Variants in CHAF1A observed in about 807,000 individuals in gnomAD.
CHAF1A encodes the protein chromatin assembly factor 1 subunit A.
In CHAF1A, 5 loss-of-function variants were observed where a neutral mutation model predicts 93.2. That is an observed-to-expected ratio of 0.05 (90% CI 0.03 to 0.11). CHAF1A has a LOEUF of 0.11. Ranked by LOEUF, CHAF1A falls within the 10% of genes least tolerant of loss-of-function variation. CHAF1A has a pLI of 1.00. For synonymous variants in CHAF1A, 504 were observed against 510.3 expected, an observed-to-expected ratio of 0.99 and a Z score of 0.17; for missense variants, 1,102 against 1,259.9, an observed-to-expected ratio of 0.87 and a Z score of 1.90.
chr19:4,410,182 G>T (rs1973767677), intron 3 of CHAF1A, among the ~76,000 whole-genome samples: 1 of 152,056 alleles, frequency 6.6e-6, no homozygotes, highest in African/African-American at 2.4e-5. Context: ...GCACTGAAGT[G>T]GCAGTGAGAC....
intron 13 of CHAF1A, among the ~76,000 whole-genome samples, chr19:4,440,713 C>T (rs1004111654): frequency 2.0e-5 from 3 of 151,666 alleles, no homozygotes; most frequent in South Asian, 4.2e-4. Context: ...ACGCCTGGGC[C>T]GTGTGGTACA....
chr19:4,431,816 C>G, intron 11 of CHAF1A, 136 bp from the exon 12 acceptor site: 1 of 1,080,522 alleles, frequency 9.3e-7, no homozygotes, highest in Non-Finnish European at 1.3e-6. Flanking sequence ...CTGCCCTGGC[C>G]CTGACACTGT....
rs768089075 is a variant in CHAF1A, at chr19:4,409,351, G to A, written c.552G>A (p.Glu184=). 1 of 1,614,126 alleles carries A rather than the reference G, an allele frequency of 6.2e-7. No individual in the cohort carries two copies. Among genetic ancestry groups the A allele is most frequent in the South Asian group, 1.1e-5 (1 of 91,078 alleles). Residue 184 remains glutamate (E), a synonymous_variant, in exon 3 of 15, where the codon GAG becomes GAA. Coordinates refer to ENST00000301280, the MANE Select transcript of CHAF1A (RefSeq NM_005483.3). The part of the protein sequence containing the change: ...ETLSDIPCKT[E]EEGVGCGGAG... ...TTTCAGACATTCCTTGCAAAACAGA[G>A]GAGGAGGGTGTTGGCTGTGGAGGTG...
At chr19:4,406,728 C>T (rs1406678926) in intron 2 of CHAF1A, among the ~76,000 whole-genome samples, 1 of 152,124 alleles carries the variant, frequency 6.6e-6, no homozygotes, top group Non-Finnish European at 1.5e-5. Flanking sequence ...CCACCGCACC[C>T]GGCCCAGATT....
chr19:4,407,277 T>TA (rs1487758041), intron 2 of CHAF1A, among the ~76,000 whole-genome samples: 6 of 148,766 alleles, frequency 4.0e-5, no homozygotes, highest in African/African-American at 1.5e-4. Context: ...TTTGGTCTAT[T>TA]ACATGATGAA....
chr19:4,409,782 C>G, intron 3 of CHAF1A, 23 bp downstream of exon 3: 3 of 1,582,868 alleles, frequency 1.9e-6, no homozygotes, highest in Non-Finnish European at 2.6e-6. Flanking sequence ...CATGGAGTCC[C>G]TGCACATCAG....
intron 3 of CHAF1A, among the ~76,000 whole-genome samples, chr19:4,410,667 C>G (rs1973779334): frequency 6.6e-6 from 1 of 152,152 alleles, no homozygotes; most frequent in African/African-American, 2.4e-5. Context: ...AGGCATGAGC[C>G]ACTGCACCCA....
At position 4,442,172 on chromosome 19, in the gene CHAF1A, C is replaced by G. The variant is rs989380702; in HGVS notation, c.2674-73C>G. On this transcript the variant is annotated intron_variant, in intron 13 of 14. Transcript: ENST00000301280. ...AGGAAGGTGTCACACCTGTGGAGTT[C>G]CCCCCGCTACCGCACTGGCACCAGG... 7.3e-6 allele frequency: 9 copies of G among 1,241,178 alleles called. No individual in the cohort carries two copies. In the Admixed American group the frequency reaches 1.5e-4, roughly 21 times the overall value. The allele number at this position is 1,241,178 out of a possible 1,614,324, so 76.9% of individuals were successfully genotyped here. A position where few individuals can be genotyped will look rare whatever the true frequency, so the allele number is the denominator to read the frequency against.
chr19:4,404,997 C>T (rs951201532), intron 1 of CHAF1A, among the ~76,000 whole-genome samples: 42 of 152,068 alleles, frequency 2.8e-4, no homozygotes, highest in Non-Finnish European at 7.4e-5. Context: ...TCTGATTTTA[C>T]AGATTTGGTG....
At chr19:4,440,576 A>T (rs1974367863) in intron 13 of CHAF1A, among the ~76,000 whole-genome samples, 1 of 151,916 alleles carries the variant, frequency 6.6e-6, no homozygotes, top group South Asian at 2.1e-4. Context: ...AAAAAATAAT[A>T]ATAATAATTC....
intron 2 of CHAF1A, among the ~76,000 whole-genome samples, chr19:4,407,217 C>G (rs1304053744): frequency 6.8e-6 from 1 of 147,740 alleles, no homozygotes; most frequent in African/African-American, 2.5e-5. Context: ...GACTCTGTCT[C>G]AAAACAAACA....
intron 3 of CHAF1A, among the ~76,000 whole-genome samples, chr19:4,411,350 C>T (rs2145076110): frequency 6.6e-6 from 1 of 152,284 alleles, no homozygotes; most frequent in South Asian, 2.1e-4. Flanking sequence ...CTGCCTCACC[C>T]TCTCAAGTAG....
chr19:4,432,354 G>A (rs1250293050), intron 12 of CHAF1A, 147 bp downstream of exon 12: 11 of 948,146 alleles, frequency 1.2e-5, no homozygotes, highest in Admixed American at 8.7e-5. Flanking sequence ...GTACATGTCC[G>A]TACGTTCAAT....
rs1275466868 is a variant in CHAF1A, at chr19:4,422,189, T to C, written c.1018-377T>C. Among the ~76,000 whole-genome samples the C allele has an allele frequency of 2.0e-5, 3 of 152,062 alleles. No homozygotes were observed. Among genetic ancestry groups the C allele is most frequent in the African/African-American group, 7.2e-5 (3 of 41,400 alleles). The stretch of plus-strand genomic sequence containing the variant: ...GCCTGGCTAGTTTTTTTTAAAAATA[T>C]TTTTAGTAGAGATGGGGTTTCACCA... On this transcript the variant is annotated intron_variant, in intron 4 of 14. Transcript: ENST00000301280. This position sits in a 1 kb window ranked among gnomAD's most constrained non-coding sequence, Gnocchi z 4.6.
At chr19:4,448,286 G>T (rs766246007), downstream of CHAF1A, 1 of 1,561,880 alleles carries the variant, frequency 6.4e-7, no homozygotes, top group African/African-American at 1.4e-5. Flanking sequence ...GAGCTGGAGG[G>T]GCCAGGCAGG....
intron 11 of CHAF1A, 125 bp from the exon 12 acceptor site, chr19:4,431,827 G>A (rs1234627271): frequency 1.3e-5 from 16 of 1,219,196 alleles, no homozygotes; most frequent in Non-Finnish European, 1.7e-5. Flanking sequence ...CTGACACTGT[G>A]GGAAGTTTTG....
chr19:4,403,034 CG>C (rs1973613777), intron 1 of CHAF1A, among the ~76,000 whole-genome samples: 1 of 152,226 alleles, frequency 6.6e-6, no homozygotes, highest in African/African-American at 2.4e-5. Flanking sequence ...TGTTTGTTTC[CG>C]GCGCTTTTGC....
chr19:4,419,706 C>T (rs992267780), intron 4 of CHAF1A, among the ~76,000 whole-genome samples: 3 of 152,140 alleles, frequency 2.0e-5, no homozygotes, highest in African/African-American at 7.2e-5. Context: ...GCTGGGACTA[C>T]AGGTGTGAGC....
In CHAF1A at chr19:4,403,066, C is replaced by T. The variant is rs72988723; in HGVS notation, c.52+252C>T. Among the ~76,000 whole-genome samples, 374 of 152,344 alleles carry T rather than the reference C, an allele frequency of 2.5e-3. 1 individual carries two copies. The highest frequency in any genetic ancestry group is 4.6e-3 in the Non-Finnish European group (316 of 68,024). On this transcript the variant is annotated intron_variant, in intron 1 of 14. Coordinates refer to ENST00000301280, the MANE Select transcript of CHAF1A (RefSeq NM_005483.3). Reference sequence around the variant, plus strand: ...TTTGCGTCAGTTCGTCCCTCCAGGACTCTCTGGGGCGGTGGGTCGGAGGGG... The same window carrying T: ...TTTGCGTCAGTTCGTCCCTCCAGGATTCTCTGGGGCGGTGGGTCGGAGGGG...
Sources: gnomAD v4.1 joint callset for allele counts (sites outside exome capture counted in the v4.1 genomes callset) on GRCh38, gnomAD v4.1.1 for gene constraint, Gnocchi (gnomAD v3.1) non-coding constraint, MANE v1.5 for transcripts, NCBI Gene and HGNC (gene_info 2026-07-23, HGNC 2026-07-21) for gene names.